NFIB: variants seen among roughly 807,000 people sequenced by gnomAD.
The protein encoded by NFIB is nuclear factor 1 B-type.
NFIB carries 11 observed loss-of-function variants against 61.5 expected under a neutral mutation model. That is an observed-to-expected ratio of 0.18 (90% CI 0.11 to 0.30). NFIB has a LOEUF of 0.30. Among genes scored for constraint, NFIB ranks in the 10% least tolerant of loss-of-function variants. NFIB has a pLI of 1.00. For missense variants in NFIB, 471 were observed against 608.9 expected, an observed-to-expected ratio of 0.77 and a Z score of 2.38; for synonymous variants, 260 against 216.5, an observed-to-expected ratio of 1.20 and a Z score of -1.76.
intron 9 of NFIB, 98 bp from the exon 10 acceptor site, chr9:14,113,179 C>CA: frequency 5.1e-6 from 5 of 982,528 alleles, no homozygotes; most frequent in South Asian, 4.2e-5. Context: ...GGATTTGCAA[C>CA]CAAAAAAAAA....
chr9:14,116,384 A>T (rs1177872943), intron 8 of NFIB, 38 bp from the exon 9 acceptor site: 2 of 1,446,958 alleles, frequency 1.4e-6, no homozygotes, highest in Non-Finnish European at 1.8e-6. Flanking sequence ...GAAGCAATCC[A>T]AAAGGCAGTC....
At chr9:14,501,362 T>C in the NFIB span, among the ~76,000 whole-genome samples, 108 of 152,350 alleles carry the variant, frequency 7.1e-4, 1 homozygote, top group African/African-American at 2.4e-3. Context: ...GCCTCTTTGG[T>C]ATACAGATTT....
chr9:14,460,117 C>T, the NFIB span, among the ~76,000 whole-genome samples: 2 of 152,084 alleles, frequency 1.3e-5, no homozygotes, highest in Non-Finnish European at 2.9e-5. Flanking sequence ...TGGAACCAAC[C>T]CAAATGTCCA....
chr9:14,380,713 A>C (rs1257083746), intron 1 of NFIB, among the ~76,000 whole-genome samples: 1 of 152,162 alleles, frequency 6.6e-6, no homozygotes, highest in Non-Finnish European at 1.5e-5. Flanking sequence ...AGCAATGACC[A>C]GGAGCATGGT....
chr9:14,409,254 A>G, the NFIB span, among the ~76,000 whole-genome samples: 1 of 152,166 alleles, frequency 6.6e-6, no homozygotes, highest in Admixed American at 6.5e-5. Context: ...TTATAAGCTT[A>G]TATAATTTAA....
At chr9:14,255,047 C>G (rs964391168) in intron 2 of NFIB, among the ~76,000 whole-genome samples, 1 of 151,996 alleles carries the variant, frequency 6.6e-6, no homozygotes, top group Non-Finnish European at 1.5e-5. Flanking sequence ...CATAGCAAGA[C>G]CCCATCTCTT....
chr9:14,144,716 A>G (rs893580081), intron 6 of NFIB, among the ~76,000 whole-genome samples: 1 of 152,220 alleles, frequency 6.6e-6, no homozygotes, highest in Non-Finnish European at 1.5e-5. Context: ...AAAGAACAGT[A>G]CTGGGTGTTG....
chr9:14,141,902 CAA>C lies in NFIB; in HGVS notation c.925+4785_925+4786del, dbSNP rs1207435536. On this transcript the variant is annotated intron_variant, in intron 6 of 10. Coordinates refer to ENST00000380953, the MANE Select transcript of NFIB (RefSeq NM_001190737.2). ...TTGCAATAAATCTTGCTGCTGCTCA[CAA>C]AAAAAAAAAAAAAAAAAAAAAACAA... Among the ~76,000 whole-genome samples the C allele has an allele frequency of 1.5e-4, 8 of 53,578 alleles. No homozygotes were observed. The East Asian group carries it at 2.0e-3, about 13-fold the overall frequency. 35.1% of individuals were successfully genotyped at this position (53,578 alleles called of 152,430 possible).
chr9:14,415,993 G>A, the NFIB span, among the ~76,000 whole-genome samples: 1,253 of 152,254 alleles, frequency 8.2e-3, 17 homozygotes, highest in African/African-American at 0.028. Flanking sequence ...GACACCATCC[G>A]ACTAGTCTCT....
At chr9:14,418,386 G>A in the NFIB span, among the ~76,000 whole-genome samples, 2 of 152,056 alleles carry the variant, frequency 1.3e-5, no homozygotes, top group Non-Finnish European at 2.9e-5. Context: ...TTACATAATA[G>A]GTTTCTGGCA....
intron 2 of NFIB, among the ~76,000 whole-genome samples, chr9:14,202,004 T>A (rs953332524): frequency 4.6e-5 from 7 of 152,144 alleles, no homozygotes; most frequent in African/African-American, 1.2e-4. Flanking sequence ...TCATGGAGCT[T>A]ATGGTTTCAT....
chr9:14,398,663 A>G lies in NFIB; in HGVS notation c.-32T>C, dbSNP rs148127637. On this transcript the variant is annotated 5_prime_UTR_variant, in exon 1 of 9. Coordinates refer to the NFIB transcript ENST00000380934. ...AACGGATTCCCGACAAGAAGCCTGTAGGCTCTGCTTCTGCCATTTGCGCTG... is the reference window on the plus strand; with the variant it reads ...AACGGATTCCCGACAAGAAGCCTGTGGGCTCTGCTTCTGCCATTTGCGCTG... 1,341 of 1,450,104 alleles carry G rather than the reference A, an allele frequency of 9.2e-4. 7 individuals are homozygous for G. The African/African-American group carries it at 0.016, about 17-fold the overall frequency. 89.8% of individuals were successfully genotyped at this position (1,450,104 alleles called of 1,614,324 possible).
intron 6 of NFIB, among the ~76,000 whole-genome samples, chr9:14,134,681 G>A (rs1265487781): frequency 1.3e-5 from 2 of 152,042 alleles, no homozygotes; most frequent in African/African-American, 4.8e-5. Flanking sequence ...CAAGTCACCT[G>A]AGGTCAGGAG....
At chr9:14,135,624 C>T (rs1339233340) in intron 6 of NFIB, among the ~76,000 whole-genome samples, 3 of 151,972 alleles carry the variant, frequency 2.0e-5, no homozygotes, top group Non-Finnish European at 4.4e-5. Flanking sequence ...GATGATGATG[C>T]CAGATGATTC....
chr9:14,321,845 C>G, intron 1 of NFIB: 1 of 1,221,654 alleles, frequency 8.2e-7, no homozygotes, highest in Non-Finnish European at 1.0e-6. Flanking sequence ...CTTTGCAATC[C>G]ACAAACAGGA....
the NFIB span, among the ~76,000 whole-genome samples, chr9:14,420,952 AT>A: frequency 1.2e-4 from 18 of 148,280 alleles, no homozygotes; most frequent in East Asian, 2.0e-4. Flanking sequence ...AGAGTAAGCC[AT>A]TTTTTTTTTC....
At chr9:14,338,162 A>T (rs1394495994) in intron 1 of NFIB, among the ~76,000 whole-genome samples, 1 of 152,202 alleles carries the variant, frequency 6.6e-6, no homozygotes, top group African/African-American at 2.4e-5. Flanking sequence ...TGGGAGGCCG[A>T]GGCAGGCGGA....
chr9:14,164,896 A>G (rs1303608262), intron 3 of NFIB, among the ~76,000 whole-genome samples: 4 of 152,122 alleles, frequency 2.6e-5, no homozygotes, highest in Non-Finnish European at 5.9e-5. Context: ...AGTTCCCCCA[A>G]GTGATTCAAA....
rs139413165 is a variant in NFIB, at chr9:14,192,237, G to T, written c.563-12457C>A. Among the ~76,000 whole-genome samples, 435 of 152,226 alleles carry T rather than the reference G, an allele frequency of 2.9e-3. 1 individual carries two copies. Among genetic ancestry groups the T allele is most frequent in the African/African-American group, 1.0e-2 (415 of 41,544 alleles). On this transcript the variant is annotated intron_variant, in intron 2 of 10. Transcript: ENST00000380953. Reference sequence around the variant, plus strand: ...TAACAAGATTGTTCATGGATATTTTGCAAAACCATCTAACAGCAAGGCCAT... The same window carrying T: ...TAACAAGATTGTTCATGGATATTTTTCAAAACCATCTAACAGCAAGGCCAT...
Sources: allele counts gnomAD v4.1 joint callset (sites outside exome capture counted in the v4.1 genomes callset), GRCh38; gene constraint gnomAD v4.1.1; transcripts MANE v1.5; gene names NCBI Gene and HGNC (gene_info 2026-07-23, HGNC 2026-07-21).